The following GAS7 variants were observed in gnomAD, a reference collection of about 807,000 sequenced individuals.
GAS7 encodes the protein growth arrest specific 7, also known as growth arrest-specific protein 7.
A neutral mutation model predicts 71.1 loss-of-function variants in GAS7; 28 were observed. The ratio of observed to expected loss-of-function variants is 0.39; its 90% CI spans 0.29 to 0.54. GAS7 has a LOEUF of 0.54. Ranked by LOEUF, GAS7 falls within the 20% of genes least tolerant of loss-of-function variation. The probability of loss-of-function intolerance (pLI) is 0.62; values close to 1 mark genes in which losing one functional copy is unlikely to be tolerated. For synonymous variants in GAS7, 258 were observed against 245.8 expected (o/e 1.05, Z -0.46); for missense variants, 436 against 627.8 (o/e 0.69, Z 3.27).
chr17:10,080,553 C>T (rs1269452188), intron 1 of GAS7, among the ~76,000 whole-genome samples: 1 of 152,204 alleles, frequency 6.6e-6, no homozygotes, highest in Non-Finnish European at 1.5e-5. Flanking sequence ...TCCAAGAACG[C>T]TGTCTTGGGG....
At chr17:9,983,215 C>T (rs1189042480) in intron 2 of GAS7, among the ~76,000 whole-genome samples, 1 of 152,020 alleles carries the variant, frequency 6.6e-6, no homozygotes, top group African/African-American at 2.4e-5. Flanking sequence ...TCTGTCCAGG[C>T]ACAGTGGTTC....
chr17:10,058,892 T>C (rs1357829570), intron 1 of GAS7, among the ~76,000 whole-genome samples: 1 of 152,236 alleles, frequency 6.6e-6, no homozygotes. Flanking sequence ...CCAAGTTTTG[T>C]AGATTCAAAC....
intron 2 of GAS7, among the ~76,000 whole-genome samples, chr17:9,990,335 C>T (rs572223419): frequency 3.0e-4 from 45 of 152,328 alleles, no homozygotes; most frequent in African/African-American, 8.2e-4. Flanking sequence ...TTCCTTGCCA[C>T]GGGCTCTGCA....
intron 1 of GAS7, among the ~76,000 whole-genome samples, chr17:10,030,966 T>A (rs1055202110): frequency 2.6e-5 from 4 of 152,214 alleles, no homozygotes; most frequent in Admixed American, 2.6e-4. Flanking sequence ...CTTCTTCATC[T>A]GCATTAGCTA....
intron 1 of GAS7, among the ~76,000 whole-genome samples, chr17:10,093,684 T>C (rs1284297423): frequency 3.3e-5 from 5 of 152,088 alleles, no homozygotes; most frequent in Non-Finnish European, 5.9e-5. Context: ...ACAGTTGTTA[T>C]GCGGGGAAAA....
rs61682814 is a variant in GAS7, at chr17:10,107,812, G to A, written c.184-87915C>T. Among the ~76,000 whole-genome samples, 17 of 145,458 alleles carry A rather than the reference G, an allele frequency of 1.2e-4. 2 individuals are homozygous for A. The highest frequency in any genetic ancestry group is 5.5e-4 in the Admixed American group (8 of 14,628). On this transcript the variant is annotated intron_variant, in intron 1 of 13. Transcript: ENST00000432992. Reference sequence around the variant, plus strand: ...CAGTGAGGGGCTGGGCAGGAGAACCGCCTTACACACAGTCCAGTAGGGGAC... The same window carrying A: ...CAGTGAGGGGCTGGGCAGGAGAACCACCTTACACACAGTCCAGTAGGGGAC...
chr17:10,092,959 A>T (rs1445056398), intron 1 of GAS7, among the ~76,000 whole-genome samples: 3 of 152,198 alleles, frequency 2.0e-5, no homozygotes, highest in East Asian at 3.9e-4. Flanking sequence ...CAAATCCTTA[A>T]CTTAACCACA....
At chr17:10,118,565 G>T (rs765104960) in intron 1 of GAS7, among the ~76,000 whole-genome samples, 29 of 152,086 alleles carry the variant, frequency 1.9e-4, no homozygotes, top group Admixed American at 3.3e-4. Flanking sequence ...ACAAAAATTA[G>T]CCAGGTGTGA....
intron 2 of GAS7, among the ~76,000 whole-genome samples, chr17:9,998,795 C>G (rs981904562): frequency 4.6e-5 from 7 of 152,212 alleles, no homozygotes; most frequent in African/African-American, 1.4e-4. Flanking sequence ...CCCATCCTTA[C>G]GCCTGCATTC....
intron 2 of GAS7, among the ~76,000 whole-genome samples, chr17:10,012,693 C>T (rs1382498365): frequency 6.6e-6 from 1 of 152,158 alleles, no homozygotes; most frequent in African/African-American, 2.4e-5. Context: ...ATGTTTGTGT[C>T]CCCTCCAAAT....
chr17:10,070,321 C>T (rs1227500837), intron 1 of GAS7, among the ~76,000 whole-genome samples: 2 of 149,900 alleles, frequency 1.3e-5, no homozygotes, highest in Non-Finnish European at 3.0e-5. Context: ...CAGCCCAGCT[C>T]TCCCTTCGTT....
chr17:9,988,534 C>T (rs141856322), intron 2 of GAS7, among the ~76,000 whole-genome samples: 1 of 152,260 alleles, frequency 6.6e-6, no homozygotes, highest in African/African-American at 2.4e-5. Context: ...CAATGCCTTC[C>T]AGTACAGCCA....
At chr17:10,052,248 C>T (rs1387987380) in intron 1 of GAS7, among the ~76,000 whole-genome samples, 4 of 152,172 alleles carry the variant, frequency 2.6e-5, no homozygotes, top group Non-Finnish European at 2.9e-5. Flanking sequence ...TCCTCTGCGG[C>T]GTCTAGGAAT....
At chr17:10,003,721 TC>T (rs2071361351) in intron 2 of GAS7, among the ~76,000 whole-genome samples, 1 of 152,138 alleles carries the variant, frequency 6.6e-6, no homozygotes, top group African/African-American at 2.4e-5. Flanking sequence ...GCATCATCTG[TC>T]CAAGGATGAC....
intron 4 of GAS7, among the ~76,000 whole-genome samples, chr17:9,967,276 A>C (rs1281892788): frequency 6.6e-6 from 1 of 152,100 alleles, no homozygotes; most frequent in Non-Finnish European, 1.5e-5. Context: ...AAAGAAAATA[A>C]AATGACCCAT....
At position 9,916,672 on chromosome 17, in the gene GAS7, G is replaced by T. The variant is rs917705623; in HGVS notation, c.*556C>A. 26 of 335,722 alleles carry T rather than the reference G, an allele frequency of 7.7e-5. No individual in the cohort carries two copies. Among genetic ancestry groups the T allele is most frequent in the African/African-American group, 5.0e-4 (24 of 47,746 alleles). 20.8% of individuals were successfully genotyped at this position (335,722 alleles called of 1,614,324 possible). On this transcript the variant is annotated 3_prime_UTR_variant, in exon 14 of 14. Coordinates refer to ENST00000432992, the MANE Select transcript of GAS7 (RefSeq NM_201433.2). ...CCTTCCTCCTAAAACCCCTGGTGATGAACAGTGGCTGAGAAAGCCAGATGT... is the reference window on the plus strand; with the variant it reads ...CCTTCCTCCTAAAACCCCTGGTGATTAACAGTGGCTGAGAAAGCCAGATGT...
chr17:10,125,034 G>A (rs1223222258), intron 1 of GAS7, among the ~76,000 whole-genome samples: 2 of 148,952 alleles, frequency 1.3e-5, no homozygotes, highest in African/African-American at 2.5e-5. Flanking sequence ...ATCATCACAA[G>A]GAATGGTTAT....
At chr17:9,979,948 G>A (rs947205944) in intron 3 of GAS7, among the ~76,000 whole-genome samples, 8 of 151,860 alleles carry the variant, frequency 5.3e-5, no homozygotes, top group South Asian at 4.2e-4. Flanking sequence ...GCTACAGTAC[G>A]AACGGGCCCA....
chr17:10,022,203 G>A (rs540969530), intron 1 of GAS7, among the ~76,000 whole-genome samples: 71 of 152,266 alleles, frequency 4.7e-4, no homozygotes, highest in African/African-American at 1.6e-3. Flanking sequence ...GCAGTGAGCT[G>A]TGATCGCACC....
Sources: allele counts gnomAD v4.1 joint callset (sites outside exome capture counted in the v4.1 genomes callset), GRCh38; gene constraint gnomAD v4.1.1; transcripts MANE v1.5; gene names NCBI Gene and HGNC (gene_info 2026-07-23, HGNC 2026-07-21).